The following TFAP2A variants were observed in gnomAD, a reference collection of about 807,000 sequenced individuals.
TFAP2A encodes transcription factor AP-2 alpha, also known as transcription factor AP-2-alpha.
Under a neutral mutation model 41.5 loss-of-function variants are expected in TFAP2A, and 7 were observed. That is an observed-to-expected ratio of 0.17 (90% confidence interval 0.10 to 0.32). The LOEUF (loss-of-function observed/expected upper bound fraction) is 0.32. Among genes scored for constraint, TFAP2A ranks in the 10% least tolerant of loss-of-function variants. The pLI is 1.00. For synonymous variants in TFAP2A, 247 were observed against 242.8 expected (o/e 1.02, Z -0.16); for missense variants, 416 against 563.3 (o/e 0.74, Z 2.65).
chr6:10,414,303 G>C (rs973252586), intron 1 of TFAP2A, among the ~76,000 whole-genome samples: 1 of 152,176 alleles, frequency 6.6e-6, no homozygotes, highest in Admixed American at 6.5e-5. Flanking sequence ...TTAGAACTTC[G>C]TGAAGCACAG....
upstream of TFAP2A, chr6:10,417,350 C>A (rs1292964433): frequency 2.6e-5 from 4 of 152,240 alleles, no homozygotes; most frequent in African/African-American, 9.6e-5. Flanking sequence ...CCGCCGAGGG[C>A]GCCATTGAGG....
In TFAP2A at chr6:10,409,902, G is replaced by C. The variant is rs1303880752; in HGVS notation, c.485C>G (p.Pro162Arg). Reference protein sequence around the residue: ...HSLPHAIEEVPHVEDPGINIP... With the variant: ...HSLPHAIEEVRHVEDPGINIP... ...CGCGCTGGTTGCGCGGCCTCTTACC[G>C]GGACCTCCTCGATGGCGTGAGGTAA... The change falls in exon 2 of 7, where the codon CCG becomes CGG. Residue 162 changes from proline to arginine, a missense_variant and splice_region_variant. Physicochemically the swap from Pro to Arg is moderately radical, Grantham distance 103. This residue lies in a region of TFAP2A where 241 missense variants were observed against 274.1 expected (regional missense o/e 0.88). Transcript: ENST00000379613. The C allele has an allele frequency of 6.5e-7, 1 of 1,548,016 alleles. No individual in the cohort carries two copies. Among genetic ancestry groups the C allele is most frequent in the Non-Finnish European group, 8.7e-7 (1 of 1,144,616 alleles).
upstream of TFAP2A, chr6:10,416,778 T>C (rs1758261856): frequency 6.6e-6 from 1 of 152,150 alleles, no homozygotes; most frequent in African/African-American, 2.4e-5. Context: ...GAAGGGGAAT[T>C]CTCCCTCCAA....
upstream of TFAP2A, chr6:10,419,441 G>A (rs1197173500): frequency 6.2e-7 from 1 of 1,614,126 alleles, no homozygotes; most frequent in East Asian, 2.2e-5. Context: ...ATTTTGGCAA[G>A]TATGGACATC....
intron 2 of TFAP2A, chr6:10,407,126 A>C: frequency 2.1e-6 from 1 of 473,170 alleles, no homozygotes; most frequent in Non-Finnish European, 3.8e-6. Context: ...AAATTAAATC[A>C]AGTGTTGGAG....
At chr6:10,413,479 G>A (rs1758091439) in intron 1 of TFAP2A, among the ~76,000 whole-genome samples, 1 of 152,034 alleles carries the variant, frequency 6.6e-6, no homozygotes, top group South Asian at 2.1e-4. Flanking sequence ...CAAGCCTCCG[G>A]CCAAAGCCCA....
intron 2 of TFAP2A, chr6:10,407,150 TCA>T (rs1757752029): frequency 7.3e-6 from 3 of 412,466 alleles, no homozygotes; most frequent in Non-Finnish European, 1.3e-5. Flanking sequence ...CTAATCATTC[TCA>T]GTCAGTTCAA....
Position 10,398,776 on chromosome 6 carries a change from A to C in TFAP2A, c.1032-71T>G, listed in dbSNP as rs2113998552. 4 of 1,557,946 alleles carry C rather than the reference A, an allele frequency of 2.6e-6. No individual in the cohort carries two copies. The highest frequency in any genetic ancestry group is 1.7e-5 in the Admixed American group (1 of 57,622). ...GGGCAGCACTAGCAGCAAAGAGAAA[A>C]CCTCCCTCCCTGCAGCTACCTCTGC... is the stretch of plus-strand genomic sequence containing the variant. On this transcript the variant is annotated intron_variant, in intron 6 of 6. Transcript: ENST00000379613. The surrounding 1 kb of genome is among the most constrained non-coding windows in gnomAD (Gnocchi z 5.3).
At chr6:10,413,772 C>G (rs2113223301) in intron 1 of TFAP2A, among the ~76,000 whole-genome samples, 1 of 152,234 alleles carries the variant, frequency 6.6e-6, no homozygotes, top group African/African-American at 2.4e-5. Flanking sequence ...TTCACATAAA[C>G]CCAATTTCTG....
At chr6:10,400,795 G>A (rs963264730) in intron 5 of TFAP2A, 7 of 710,548 alleles carry the variant, frequency 9.9e-6, no homozygotes, top group East Asian at 2.8e-5. Flanking sequence ...ACTTCTCCTA[G>A]AGGGCCAAGA....
At position 10,409,984 on chromosome 6, in the gene TFAP2A, G is replaced by A; in HGVS notation, c.403C>T (p.Leu135Phe). 6.2e-7 allele frequency: 1 copy of A among 1,600,022 alleles called. No homozygotes were observed. The highest frequency in any genetic ancestry group is 8.5e-7 in the Non-Finnish European group (1 of 1,173,276). ...CTGAGCGCGTGTGGGCCGTGCAGGAGGTCCTCGTGCCGCCTGTAGTCCCTG... is the reference window on the plus strand; with the variant it reads ...CTGAGCGCGTGTGGGCCGTGCAGGAAGTCCTCGTGCCGCCTGTAGTCCCTG... ...PRRDYRRHED[L>F]LHGPHALSSG... Residue 135 changes from leucine to phenylalanine, a missense_variant, in exon 2 of 7, where the codon CTC becomes TTC. Coordinates refer to ENST00000379613, the MANE Select transcript of TFAP2A (RefSeq NM_001372066.1).
rs1309903650 is a variant in TFAP2A at position 10,398,285 on chromosome 6, G to C, written c.*132C>G. The C allele has an allele frequency of 2.0e-5, 31 of 1,580,418 alleles. No individual in the cohort carries two copies. The highest frequency in any genetic ancestry group is 2.7e-5 in the Non-Finnish European group (31 of 1,167,592). ...TCGGGGGGACCCAAGGGCAGCGGCG[G>C]CGGCGGCGGCGGCAGCAGCAGCAGC... is the stretch of plus-strand genomic sequence containing the variant. On this transcript the variant is annotated 3_prime_UTR_variant, in exon 7 of 7. Transcript: ENST00000379613. This position sits in a 1 kb window ranked among gnomAD's most constrained non-coding sequence, Gnocchi z 5.3.
chr6:10,419,394 C>G (rs750462381), upstream of TFAP2A: 4 of 1,613,534 alleles, frequency 2.5e-6, no homozygotes, highest in Non-Finnish European at 2.5e-6. Context: ...CACCTCAACC[C>G]CAGCCAAGGC....
At chr6:10,400,761 A>C (rs540000368) in intron 5 of TFAP2A, 172 bp from the exon 6 acceptor site, 17 of 811,830 alleles carry the variant, frequency 2.1e-5, no homozygotes, top group South Asian at 2.9e-5. Flanking sequence ...GATCTGGTGG[A>C]TGCATTTATC....
intron 2 of TFAP2A, 121 bp downstream of exon 2, chr6:10,409,780 G>GT (rs1561713135): frequency 9.6e-6 from 12 of 1,247,448 alleles, no homozygotes; most frequent in Non-Finnish European, 1.1e-5. Flanking sequence ...CGAATAAAAT[G>GT]TTTTTATAAG....
intron 1 of TFAP2A, chr6:10,414,592 A>C: frequency 2.1e-6 from 1 of 472,344 alleles, no homozygotes; most frequent in Non-Finnish European, 3.9e-6. Flanking sequence ...CTCAATCTCG[A>C]TGAAGATAAC....
At chr6:10,407,218 A>G in intron 2 of TFAP2A, 1 of 282,454 alleles carries the variant, frequency 3.5e-6, no homozygotes, top group South Asian at 4.0e-5. Flanking sequence ...TGACTTTAGC[A>G]ATTCCAGTGT....
chr6:10,400,384 C>T (rs528656082), intron 6 of TFAP2A, 64 bp downstream of exon 6: 17 of 1,610,434 alleles, frequency 1.1e-5, no homozygotes, highest in Middle Eastern at 1.7e-4. Flanking sequence ...AGAGCAAAAA[C>T]GATTTTTGTT....
chr6:10,419,122 G>T (rs1758342868), upstream of TFAP2A, among the ~76,000 whole-genome samples: 1 of 152,082 alleles, frequency 6.6e-6, no homozygotes, highest in African/African-American at 2.4e-5. Flanking sequence ...TGGGGGAAAC[G>T]GCCACAGCAC....
Sources: gnomAD v4.1 joint callset for allele counts (sites outside exome capture counted in the v4.1 genomes callset) on GRCh38, gnomAD v4.1.1 for gene constraint, gnomAD v4.1.1 regional missense constraint, Gnocchi (gnomAD v3.1) non-coding constraint, MANE v1.5 for transcripts, NCBI Gene and HGNC (gene_info 2026-07-23, HGNC 2026-07-21) for gene names.